The following NRXN1 variants were observed in gnomAD, a reference collection of about 807,000 sequenced individuals.
NRXN1 encodes neurexin-1.
Under a neutral mutation model 150.9 loss-of-function variants are expected in NRXN1, and 39 were observed. That is an observed-to-expected ratio of 0.26 (90% CI 0.20 to 0.34). The LOEUF is 0.34. Ranked by LOEUF, NRXN1 falls within the 10% of genes least tolerant of loss-of-function variation. The probability of loss-of-function intolerance (pLI) is 1.00; values close to 1 mark genes in which losing one functional copy is unlikely to be tolerated. For synonymous variants in NRXN1, 924 were observed against 757.0 expected (o/e 1.22, Z -3.62); for missense variants, 1,815 against 1,949.9 (o/e 0.93, Z 1.30).
chr2:50,071,713 G>T (rs1696321607), intron 19 of NRXN1, among the ~76,000 whole-genome samples: 1 of 152,166 alleles, frequency 6.6e-6, no homozygotes, highest in East Asian at 1.9e-4. Flanking sequence ...CTAATACAGA[G>T]ATAATTTAAA....
chr2:50,365,103 A>G (rs1452502186), intron 17 of NRXN1, among the ~76,000 whole-genome samples: 1 of 152,092 alleles, frequency 6.6e-6, no homozygotes, highest in African/African-American at 2.4e-5. Flanking sequence ...GAACTGATAC[A>G]TGAAGCTTTT....
At chr2:50,615,414 C>CT (rs1678904930) in intron 8 of NRXN1, 1 of 152,098 alleles carries the variant, frequency 6.6e-6, no homozygotes, top group African/African-American at 2.4e-5. Flanking sequence ...CATTTCCTTA[C>CT]TAACAAACTA....
chr2:50,130,943 T>C (rs1450594085), intron 18 of NRXN1, among the ~76,000 whole-genome samples: 2 of 152,216 alleles, frequency 1.3e-5, no homozygotes, highest in African/African-American at 4.8e-5. Flanking sequence ...TATACAATTT[T>C]GACCAAAAAT....
At chr2:50,491,658 A>C (rs2091262024) in intron 15 of NRXN1, among the ~76,000 whole-genome samples, 1 of 152,196 alleles carries the variant, frequency 6.6e-6, no homozygotes, top group Admixed American at 6.5e-5. Flanking sequence ...AGGACAAAGT[A>C]CTGCCTGGGC....
intron 18 of NRXN1, among the ~76,000 whole-genome samples, chr2:50,148,856 C>T (rs1209065113): frequency 6.6e-6 from 1 of 151,704 alleles, no homozygotes; most frequent in African/African-American, 2.4e-5. Flanking sequence ...ATGTGATAAT[C>T]CTAGGTCTGC....
At chr2:50,529,936 A>G (rs2105196678) in intron 11 of NRXN1, among the ~76,000 whole-genome samples, 1 of 152,296 alleles carries the variant, frequency 6.6e-6, no homozygotes, top group South Asian at 2.1e-4. Flanking sequence ...ATAAGATACC[A>G]ATGGGATAAT....
chr2:50,532,338 A>C (rs1373384416), intron 10 of NRXN1, among the ~76,000 whole-genome samples: 2 of 151,704 alleles, frequency 1.3e-5, no homozygotes, highest in African/African-American at 4.8e-5. Context: ...CTCTGCCCTG[A>C]TAGAATTATT....
intron 18 of NRXN1, among the ~76,000 whole-genome samples, chr2:50,104,500 C>T (rs1388491269): frequency 1.3e-5 from 2 of 151,930 alleles, no homozygotes; most frequent in East Asian, 3.9e-4. Context: ...AGTGTCAGAG[C>T]TCTGAAATGA....
At chr2:50,094,919 T>C (rs2152702479) in intron 18 of NRXN1, among the ~76,000 whole-genome samples, 1 of 152,268 alleles carries the variant, frequency 6.6e-6, no homozygotes, top group Admixed American at 6.5e-5. Flanking sequence ...AAGAACCAAA[T>C]GCTTCCGAAA....
At chr2:50,106,338 A>G (rs1198013264) in intron 18 of NRXN1, among the ~76,000 whole-genome samples, 2 of 152,010 alleles carry the variant, frequency 1.3e-5, no homozygotes, top group Non-Finnish European at 2.9e-5. Context: ...GCAAGGAATC[A>G]TAAAGCTTAT....
intron 17 of NRXN1, among the ~76,000 whole-genome samples, chr2:50,388,876 T>A (rs926673796): frequency 6.6e-6 from 1 of 151,792 alleles, no homozygotes; most frequent in Admixed American, 6.6e-5. Context: ...AAAAAAAAAA[T>A]ATTGTTACTT....
At chr2:50,842,142 C>T (rs1360925124) in intron 5 of NRXN1, among the ~76,000 whole-genome samples, 1 of 152,182 alleles carries the variant, frequency 6.6e-6, no homozygotes, top group Non-Finnish European at 1.5e-5. Context: ...GGTTACCTGT[C>T]ACCAGCAAAA....
intron 8 of NRXN1, among the ~76,000 whole-genome samples, chr2:50,608,186 G>A (rs1392686472): frequency 6.6e-6 from 1 of 151,952 alleles, no homozygotes; most frequent in African/African-American, 2.4e-5. Flanking sequence ...TGCAATCAAG[G>A]TATATCCTGA....
At chr2:50,270,590 A>C (rs1355785722) in intron 17 of NRXN1, among the ~76,000 whole-genome samples, 3 of 152,062 alleles carry the variant, frequency 2.0e-5, no homozygotes, top group Non-Finnish European at 4.4e-5. Context: ...GATTTTTCCC[A>C]TTATACACAC....
At chr2:50,550,889 G>A (rs1392959081) in intron 9 of NRXN1, among the ~76,000 whole-genome samples, 18 of 151,742 alleles carry the variant, frequency 1.2e-4, no homozygotes, top group Non-Finnish European at 2.2e-4. Context: ...CACCATGTTA[G>A]CCAGGATGGT....
rs138038689 is a variant in NRXN1 at position 50,557,033 on chromosome 2, T to A, written c.1321-4008A>T. Among the ~76,000 whole-genome samples the A allele has an allele frequency of 4.5e-3, 686 of 152,282 alleles. 5 individuals carry two copies. Among genetic ancestry groups the A allele is most frequent in the African/African-American group, 0.016 (648 of 41,566 alleles). On this transcript the variant is annotated intron_variant, in intron 8 of 22. Coordinates refer to ENST00000401669, the MANE Select transcript of NRXN1 (RefSeq NM_001330078.2). ...TGATGCCAGGATATTGTTCTCTACT[T>A]TCAGATACACTGAAACACTAATCCA...
At chr2:50,287,290 A>T (rs2072316675) in intron 17 of NRXN1, among the ~76,000 whole-genome samples, 1 of 152,112 alleles carries the variant, frequency 6.6e-6, no homozygotes, top group African/African-American at 2.4e-5. Context: ...TTCTCAAAAT[A>T]ATAGGACAAA....
At chr2:50,039,562 T>C (rs1390293090) in intron 21 of NRXN1, among the ~76,000 whole-genome samples, 1 of 152,184 alleles carries the variant, frequency 6.6e-6, no homozygotes, top group African/African-American at 2.4e-5. Context: ...GTCTGCTATA[T>C]GCCTGCTACT....
intron 18 of NRXN1, among the ~76,000 whole-genome samples, chr2:50,195,685 G>T (rs939540387): frequency 6.6e-6 from 1 of 151,966 alleles, no homozygotes; most frequent in African/African-American, 2.4e-5. Context: ...TTATCTTTTT[G>T]TATAGACTGA....
Sources: gnomAD v4.1 joint callset for allele counts (sites outside exome capture counted in the v4.1 genomes callset) on GRCh38, gnomAD v4.1.1 for gene constraint, MANE v1.5 for transcripts, NCBI Gene and HGNC (gene_info 2026-07-23, HGNC 2026-07-21) for gene names.